The following DSG1 variants were observed in gnomAD, a reference collection of about 807,000 sequenced individuals.
DSG1 encodes desmoglein-1.
DSG1 carries 39 observed loss-of-function variants against 97.5 expected under a neutral mutation model. That is an observed-to-expected ratio of 0.40 (90% CI 0.31 to 0.52). DSG1 has a LOEUF of 0.52. DSG1 is among the 20% of genes least tolerant of loss of function. DSG1 has a pLI of 0.53. For missense variants in DSG1, 1,311 were observed against 1,295.4 expected (o/e 1.01, Z -0.18); for synonymous variants, 475 against 443.4 (o/e 1.07, Z -0.90).
chr18:31,327,399 A>G (rs1317755668), intron 3 of DSG1, among the ~76,000 whole-genome samples: 1 of 152,128 alleles, frequency 6.6e-6, no homozygotes, highest in African/African-American at 2.4e-5. Context: ...AACATTCACA[A>G]GGTGCCCTCT....
intron 6 of DSG1, among the ~76,000 whole-genome samples, 153 bp from the exon 7 acceptor site, chr18:31,333,436 T>G (rs2071732621): frequency 6.6e-6 from 1 of 152,212 alleles, no homozygotes; most frequent in Non-Finnish European, 1.5e-5. Context: ...GGAATAATCA[T>G]GTGAAACTTG....
intron 3 of DSG1, among the ~76,000 whole-genome samples, chr18:31,327,618 T>G (rs1005511318): frequency 1.3e-5 from 2 of 152,194 alleles, no homozygotes; most frequent in Non-Finnish European, 2.9e-5. Flanking sequence ...AAGAAAGAGT[T>G]CTGGTTTCTA....
chr18:31,326,537 A>G (rs376499142), intron 1 of DSG1, 44 bp from the exon 2 acceptor site: 25 of 1,411,596 alleles, frequency 1.8e-5, no homozygotes, highest in Non-Finnish European at 2.4e-5. Flanking sequence ...ATTTTAAAGC[A>G]TTTAATTAAA....
chr18:31,342,148 G>C (rs937133729), intron 11 of DSG1, among the ~76,000 whole-genome samples: 2 of 152,070 alleles, frequency 1.3e-5, no homozygotes, highest in Non-Finnish European at 2.9e-5. Context: ...TGGCCAGGAT[G>C]ATCTCGATCT....
intron 1 of DSG1, among the ~76,000 whole-genome samples, chr18:31,325,241 C>T (rs1029123046): frequency 2.0e-5 from 3 of 152,162 alleles, no homozygotes; most frequent in African/African-American, 7.2e-5. Flanking sequence ...AATTGTCTCT[C>T]ATGGGAAAAA....
In DSG1 at chr18:31,354,468, T is replaced by C. The variant is rs575787555; in HGVS notation, c.2272T>C (p.Leu758=). Reference sequence around the variant, plus strand: ...TACCCTGGGACCTAAATTTAAGAAGTTGGCAGACATCAGCCTAGGAAAAGA... The same window carrying C: ...TACCCTGGGACCTAAATTTAAGAAGCTGGCAGACATCAGCCTAGGAAAAGA... ...LDTLGPKFKK[L]ADISLGKESY... The change falls in exon 15 of 15, where the codon TTG becomes CTG. Residue 758 remains leucine, a synonymous_variant. Transcript: ENST00000257192. The C allele has an allele frequency of 1.9e-6, 3 of 1,614,174 alleles. No homozygotes were observed. The East Asian group carries it at 6.7e-5, about 36-fold the overall frequency.
Position 31,355,924 on chromosome 18 carries a change from G to A in DSG1, c.*578G>A, listed in dbSNP as rs751694128. 3 of 153,458 alleles carry A rather than the reference G, an allele frequency of 2.0e-5. No homozygotes were observed. The highest frequency in any genetic ancestry group is 4.3e-5 in the Non-Finnish European group (3 of 69,020). The allele number at this position is 153,458 out of a possible 1,614,324, so 9.5% of individuals were successfully genotyped here. On this transcript the variant is annotated 3_prime_UTR_variant, in exon 15 of 15. Coordinates refer to ENST00000257192, the MANE Select transcript of DSG1 (RefSeq NM_001942.4). ...GAGAAAATAAATTCCAAATTAGGAA[G>A]TGTTTCCTAGGAGGAAAATTCCATT...
At chr18:31,353,672 G>T (rs1365618329) in intron 14 of DSG1, among the ~76,000 whole-genome samples, 12 of 152,176 alleles carry the variant, frequency 7.9e-5, no homozygotes, top group Non-Finnish European at 4.4e-5. Flanking sequence ...TAATCTCGTG[G>T]TGCGCCGTTT....
chr18:31,331,017 A>T (rs1271204856), intron 5 of DSG1, among the ~76,000 whole-genome samples: 1 of 152,100 alleles, frequency 6.6e-6, no homozygotes, highest in Admixed American at 6.6e-5. Flanking sequence ...GTTATGAATG[A>T]GCACTGGCAG....
chr18:31,327,171 A>G (rs897705243), intron 3 of DSG1, among the ~76,000 whole-genome samples, 166 bp downstream of exon 3: 1 of 152,112 alleles, frequency 6.6e-6, no homozygotes, highest in East Asian at 1.9e-4. Flanking sequence ...GGAGAAATTA[A>G]GAAATGCAGG....
At chr18:31,323,223 G>C (rs2071664626) in intron 1 of DSG1, among the ~76,000 whole-genome samples, 2 of 152,226 alleles carry the variant, frequency 1.3e-5, no homozygotes, top group South Asian at 4.1e-4. Context: ...CTCCATCACA[G>C]CCTCCATAGC....
intron 14 of DSG1, among the ~76,000 whole-genome samples, chr18:31,352,474 C>T (rs143871650): frequency 4.3e-3 from 593 of 136,688 alleles, no homozygotes; most frequent in African/African-American, 7.3e-3. Flanking sequence ...CGAGGAGTAT[C>T]TTTGTGGCAT....
Position 31,358,751 on chromosome 18 carries a change from T to A in DSG1, c.*3405T>A, listed in dbSNP as rs913513773. ...GCCACATTTTCCCATGCCTATTTCA[T>A]AAATTCCAACTTTTTTTTTTACAAT... On this transcript the variant is annotated 3_prime_UTR_variant, in exon 15 of 15. Coordinates refer to ENST00000257192, the MANE Select transcript of DSG1 (RefSeq NM_001942.4). Among the ~76,000 whole-genome samples the A allele has an allele frequency of 1.3e-5, 2 of 152,074 alleles. No individual in the cohort carries two copies. Among genetic ancestry groups the A allele is most frequent in the Non-Finnish European group, 2.9e-5 (2 of 67,944 alleles).
In DSG1 at chr18:31,350,753, C is replaced by T. The variant is rs370600958; in HGVS notation, c.2101-3544C>T. On this transcript the variant is annotated intron_variant, in intron 14 of 14. Coordinates refer to ENST00000257192, the MANE Select transcript of DSG1 (RefSeq NM_001942.4). ...TCTTCTAGATTTTCTAGTTTATTTG[C>T]GTAGAGGTGTTTGTAGTATTCTCTG... Among the ~76,000 whole-genome samples the T allele has an allele frequency of 1.6e-4, 24 of 151,100 alleles. No homozygotes were observed. In the East Asian group the frequency reaches 3.7e-3, roughly 23 times the overall value.
Position 31,354,606 on chromosome 18 carries a change from G to T in DSG1, c.2410G>T (p.Gly804Cys). 6.2e-7 allele frequency: 1 copy of T among 1,614,058 alleles called. No individual in the cohort carries two copies. The stretch of plus-strand genomic sequence containing the variant: ...ACACCCACCAATCTCCCCACATTTC[G>T]GCACTACCACAGTAATTTCTGAGAG... ...SGHPPISPHF[G>C]TTTVISESTY... The change falls in exon 15 of 15, where the codon GGC becomes TGC. Residue 804 changes from glycine to cysteine, a missense_variant. Physicochemically the swap from Gly to Cys is radical, Grantham distance 159. This residue lies in a region of DSG1 where 1,038 missense variants were observed against 964.6 expected (regional missense o/e 1.08). Coordinates refer to ENST00000257192, the MANE Select transcript of DSG1 (RefSeq NM_001942.4).
At chr18:31,352,605 A>G (rs2071908386) in intron 14 of DSG1, among the ~76,000 whole-genome samples, 2 of 149,638 alleles carry the variant, frequency 1.3e-5, no homozygotes, top group Admixed American at 1.3e-4. Flanking sequence ...TTTTAGGTAC[A>G]CCAATCAGAC....
chr18:31,345,862 T>C, intron 13 of DSG1, 128 bp from the exon 14 acceptor site: 1 of 691,884 alleles, frequency 1.4e-6, no homozygotes. Context: ...TCTTTATGTA[T>C]TATCTTTTTA....
chr18:31,342,002 C>T (rs566936966), intron 11 of DSG1, among the ~76,000 whole-genome samples: 4 of 151,816 alleles, frequency 2.6e-5, no homozygotes, highest in Admixed American at 6.6e-5. Flanking sequence ...GGTGCAATCT[C>T]GTCTCACTGT....
At chr18:31,333,994 A>G in intron 7 of DSG1, 23 bp from the exon 8 acceptor site, 1 of 1,541,302 alleles carries the variant, frequency 6.5e-7, no homozygotes, top group Non-Finnish European at 9.0e-7. Context: ...GTTTGTGCTA[A>G]GAGTTTTCAC....
Sources: gnomAD v4.1 joint callset for allele counts (sites outside exome capture counted in the v4.1 genomes callset) on GRCh38, gnomAD v4.1.1 for gene constraint, gnomAD v4.1.1 regional missense constraint, MANE v1.5 for transcripts, NCBI Gene and HGNC (gene_info 2026-07-23, HGNC 2026-07-21) for gene names.